The following MMP26 variants were observed in gnomAD, a reference collection of about 807,000 sequenced individuals.
MMP26 encodes matrix metalloproteinase-26.
A neutral mutation model predicts 31.0 loss-of-function variants in MMP26; 33 were observed. That is an observed-to-expected ratio of 1.06 (90% CI 0.81 to 1.42). The LOEUF is 1.42. Ranked by LOEUF, MMP26 falls within the 40% of genes most tolerant of loss-of-function variation. The pLI is 0.00. For missense variants in MMP26, 347 were observed against 316.1 expected, an observed-to-expected ratio of 1.10 and a Z score of -0.74; for synonymous variants, 122 against 114.9, an observed-to-expected ratio of 1.06 and a Z score of -0.40.
At chr11:4,924,176 G>T in intron 2 of MMP26, 1 of 1,614,186 alleles carries the variant, frequency 6.2e-7, no homozygotes, top group Non-Finnish European at 8.5e-7. Context: ...ATGGAGAGTG[G>T]CATCAGTACA....
intron 2 of MMP26, among the ~76,000 whole-genome samples, chr11:4,776,752 C>T (rs1262367214): frequency 3.9e-5 from 6 of 152,020 alleles, no homozygotes; most frequent in Admixed American, 6.6e-5. Context: ...CCTGCTCCAC[C>T]GTGGTAAGAC....
Position 4,781,600 on chromosome 11 carries a change from A to C in MMP26, c.-145+14259A>C, listed in dbSNP as rs373488928. Among the ~76,000 whole-genome samples the C allele has an allele frequency of 1.1e-4, 7 of 64,400 alleles. No homozygotes were observed. The South Asian group carries it at 1.7e-3, about 16-fold the overall frequency. 42.2% of individuals were successfully genotyped at this position (64,400 alleles called of 152,430 possible). On this transcript the variant is annotated intron_variant, in intron 2 of 7. Coordinates refer to ENST00000380390, the MANE Select transcript of MMP26 (RefSeq NM_021801.5). ...AAAAAAAAAAAAAAAAAAAAAAAAA[A>C]AAAAAAACTGATTGCATAATCAAGT... is the stretch of plus-strand genomic sequence containing the variant.
intron 2 of MMP26, among the ~76,000 whole-genome samples, chr11:4,779,324 C>A (rs1258580715): frequency 6.6e-6 from 1 of 151,852 alleles, no homozygotes; most frequent in South Asian, 2.1e-4. Context: ...TGTAGTTTTT[C>A]TCTTTATTTT....
chr11:4,884,306 T>C (rs1426845271), intron 2 of MMP26, among the ~76,000 whole-genome samples: 3 of 152,132 alleles, frequency 2.0e-5, no homozygotes, highest in African/African-American at 7.2e-5. Flanking sequence ...TCCCTCATTG[T>C]AGCTAAAATG....
At position 4,954,995 on chromosome 11, in the gene MMP26, T is replaced by C. The variant is rs750980394; in HGVS notation, c.-144-33073T>C. The C allele has an allele frequency of 1.4e-5, 19 of 1,377,072 alleles. 2 individuals carry two copies. Among genetic ancestry groups the C allele is most frequent in the Non-Finnish European group, 1.9e-5 (19 of 998,102 alleles). The allele number at this position is 1,377,072 out of a possible 1,614,324, so 85.3% of individuals were successfully genotyped here. A position where few individuals can be genotyped will look rare whatever the true frequency, so the allele number is the denominator to read the frequency against. On this transcript the variant is annotated intron_variant, in intron 2 of 7. Transcript: ENST00000380390. ...TGCACAGATGTGTGAAACACAAGTA[T>C]TGAGAGCCTTAAGCTCCTCCTTTTT...
intron 2 of MMP26, among the ~76,000 whole-genome samples, chr11:4,853,918 A>G (rs895289180): frequency 2.0e-5 from 3 of 152,220 alleles, no homozygotes; most frequent in Non-Finnish European, 1.5e-5. Context: ...TACATAAAAA[A>G]AAAATTCTGC....
At chr11:4,860,550 A>G in intron 2 of MMP26, 2 of 465,650 alleles carry the variant, frequency 4.3e-6, no homozygotes, top group African/African-American at 2.0e-5. Flanking sequence ...CCTGTGATGC[A>G]TTCAAGTTCG....
intron 2 of MMP26, among the ~76,000 whole-genome samples, chr11:4,835,166 C>T (rs555243190): frequency 6.7e-6 from 1 of 149,946 alleles, no homozygotes; most frequent in Non-Finnish European, 1.5e-5. Context: ...TTCTCAATAT[C>T]TCCCTCCCCC....
At chr11:4,770,648 T>C (rs557475422) in intron 2 of MMP26, among the ~76,000 whole-genome samples, 2 of 152,082 alleles carry the variant, frequency 1.3e-5, no homozygotes, top group African/African-American at 4.8e-5. Context: ...ATCAAGATCA[T>C]CCTGGCCAAC....
chr11:4,919,950 T>G (rs1450201155), intron 2 of MMP26, among the ~76,000 whole-genome samples: 1 of 152,152 alleles, frequency 6.6e-6, no homozygotes, highest in Non-Finnish European at 1.5e-5. Flanking sequence ...AGGAGCTAAT[T>G]GGAGAAACTA....
At chr11:4,916,454 C>T (rs1346584647) in intron 2 of MMP26, among the ~76,000 whole-genome samples, 1 of 150,770 alleles carries the variant, frequency 6.6e-6, no homozygotes, top group Non-Finnish European at 1.5e-5. Flanking sequence ...CACTAACATT[C>T]TAACTTTTAT....
At chr11:4,802,545 C>A (rs560684962) in intron 2 of MMP26, among the ~76,000 whole-genome samples, 1 of 152,134 alleles carries the variant, frequency 6.6e-6, no homozygotes, top group Non-Finnish European at 1.5e-5. Flanking sequence ...GGACCTGGAC[C>A]TGCAAAAGCC....
At chr11:4,990,560 T>G in intron 4 of MMP26, 38 bp from the exon 5 acceptor site, 1 of 1,566,280 alleles carries the variant, frequency 6.4e-7, no homozygotes, top group South Asian at 1.2e-5. Context: ...TAATTCCCAT[T>G]CCTCTGAACT....
chr11:4,762,883 C>A (rs7110255), intron 1 of MMP26, among the ~76,000 whole-genome samples: 45,809 of 151,950 alleles, frequency 0.3, 7,973 homozygotes, highest in African/African-American at 0.46. Flanking sequence ...AAGAAAAGAC[C>A]TAGCAATGGA....
At chr11:4,779,775 A>T (rs758931891) in intron 2 of MMP26, among the ~76,000 whole-genome samples, 4 of 152,108 alleles carry the variant, frequency 2.6e-5, no homozygotes, top group Non-Finnish European at 5.9e-5. Context: ...TAGCTTAATG[A>T]ATCCTAGCAA....
chr11:4,769,873 C>T, intron 2 of MMP26: 1 of 1,613,182 alleles, frequency 6.2e-7, no homozygotes, highest in East Asian at 2.2e-5. Flanking sequence ...TGCCGGTCAA[C>T]AAGAAGGTTG....
At chr11:4,737,779 A>T (rs1485831708) in intron 1 of MMP26, among the ~76,000 whole-genome samples, 1 of 152,214 alleles carries the variant, frequency 6.6e-6, no homozygotes, top group Non-Finnish European at 1.5e-5. Context: ...TAAATTGAAA[A>T]TACCGTAAGT....
intron 1 of MMP26, among the ~76,000 whole-genome samples, chr11:4,749,007 C>T (rs1402087418): frequency 1.3e-5 from 2 of 152,008 alleles, no homozygotes; most frequent in Non-Finnish European, 2.9e-5. Flanking sequence ...CAAATTATCT[C>T]TATTTGATGA....
At chr11:4,919,668 T>C (rs113995870) in intron 2 of MMP26, among the ~76,000 whole-genome samples, 46 of 152,302 alleles carry the variant, frequency 3.0e-4, no homozygotes, top group African/African-American at 1.0e-3. Context: ...TGATATGGCA[T>C]AACCCCAATT....
Sources: gnomAD v4.1 joint callset for allele counts (sites outside exome capture counted in the v4.1 genomes callset) on GRCh38, gnomAD v4.1.1 for gene constraint, MANE v1.5 for transcripts, NCBI Gene and HGNC (gene_info 2026-07-23, HGNC 2026-07-21) for gene names.